The following FLOT2 variants were observed in gnomAD, a reference collection of about 807,000 sequenced individuals.
FLOT2 encodes the protein flotillin-2.
A neutral mutation model predicts 54.9 loss-of-function variants in FLOT2; 35 were observed. The observed-to-expected ratio is 0.64, with a 90% CI of 0.49 to 0.84. The LOEUF (loss-of-function observed/expected upper bound fraction) is 0.84, where lower values mean the gene tolerates loss of function less well. Ranked by LOEUF, FLOT2 falls within the 40% of genes least tolerant of loss-of-function variation. The pLI, the probability that FLOT2 is intolerant of heterozygous loss-of-function variation, is 0.00. For synonymous variants in FLOT2, 207 were observed against 228.9 expected (o/e 0.90, Z 0.86); for missense variants, 464 against 572.1 (o/e 0.81, Z 1.93).
chr17:28,887,424 C>T (rs980307658), intron 2 of FLOT2, among the ~76,000 whole-genome samples: 3 of 152,148 alleles, frequency 2.0e-5, no homozygotes, highest in Non-Finnish European at 1.5e-5. Flanking sequence ...GCTCAGACTA[C>T]CCAGCAAGTG....
At chr17:28,895,321 A>G (rs1378099710) in intron 1 of FLOT2, among the ~76,000 whole-genome samples, 2 of 152,262 alleles carry the variant, frequency 1.3e-5, no homozygotes, top group African/African-American at 2.4e-5. Flanking sequence ...TACATTAAAT[A>G]GTAAGATCTA....
intron 2 of FLOT2, among the ~76,000 whole-genome samples, chr17:28,887,552 G>GCT (rs1242802392): frequency 6.6e-6 from 1 of 152,224 alleles, no homozygotes; most frequent in African/African-American, 2.4e-5. Flanking sequence ...TTCTGTCCTG[G>GCT]CTCTGCTCCC....
chr17:28,893,865 G>A (rs879185650), intron 1 of FLOT2, among the ~76,000 whole-genome samples: 7 of 152,272 alleles, frequency 4.6e-5, no homozygotes, highest in Non-Finnish European at 7.3e-5. Flanking sequence ...CCCCTGTTAC[G>A]TATCCCCTAG....
chr17:28,885,167 A>ACCTCC (rs1426701251), intron 2 of FLOT2, among the ~76,000 whole-genome samples: 1 of 152,228 alleles, frequency 6.6e-6, no homozygotes, highest in African/African-American at 2.4e-5. Context: ...CCCCTTCCAC[A>ACCTCC]CAAGGTGCTC....
At chr17:28,886,100 A>C (rs2039541838) in intron 2 of FLOT2, 1 of 659,452 alleles carries the variant, frequency 1.5e-6, no homozygotes, top group African/African-American at 1.8e-5. Context: ...CCCAACTGCC[A>C]GCTCAGCCGA....
At chr17:28,892,356 CTT>C (rs1169732012) in intron 1 of FLOT2, 1,816 of 86,730 alleles carry the variant, frequency 0.021, 68 homozygotes, top group African/African-American at 0.1. Flanking sequence ...GATGGCCACT[CTT>C]TTTTTTTTTT....
At chr17:28,895,225 AAAAT>A (rs2039722679) in intron 1 of FLOT2, among the ~76,000 whole-genome samples, 1 of 152,180 alleles carries the variant, frequency 6.6e-6, no homozygotes, top group Non-Finnish European at 1.5e-5. Context: ...ATAAATTCAT[AAAAT>A]AAATACATAA....
Position 28,883,165 on chromosome 17 carries a change from G to C in FLOT2, c.289C>G (p.Gln97Glu). ...ACEQFLGKNVQDIKNVVLQTL... is the reference protein window; with the variant it reads ...ACEQFLGKNVEDIKNVVLQTL... ...TGCAGGACGACGTTTTTGATGTCCTGCACATTCTTACCCAGAAACTGCTCA... is the reference window on the plus strand; with the variant it reads ...TGCAGGACGACGTTTTTGATGTCCTCCACATTCTTACCCAGAAACTGCTCA... The change falls in exon 4 of 11, where the codon CAG becomes GAG. Residue 97 changes from glutamine (Q) to glutamate (E), a missense_variant. Transcript: ENST00000394908. This position sits in a 1 kb window ranked among gnomAD's most constrained non-coding sequence, Gnocchi z 5.0. 1 of 1,613,986 alleles carries C rather than the reference G, an allele frequency of 6.2e-7. No homozygotes were observed.
rs1011994523 is a variant in FLOT2 at position 28,897,447 on chromosome 17, C to T, written c.49+79G>A. ...CGCCGCGCGGTGGACTCAGGCCCAG[C>T]TCTTCCCCGTGCACTCCCCAGCCCT... is the stretch of plus-strand genomic sequence containing the variant. On this transcript the variant is annotated intron_variant, in intron 1 of 10. Coordinates refer to ENST00000394908, the MANE Select transcript of FLOT2 (RefSeq NM_004475.3). The surrounding 1 kb of genome is among the most constrained non-coding windows in gnomAD (Gnocchi z 4.4). 3.6e-6 allele frequency: 5 copies of T among 1,382,290 alleles called. No individual in the cohort carries two copies. In the Admixed American group the frequency reaches 8.9e-5, roughly 25 times the overall value. 85.6% of individuals were successfully genotyped at this position (1,382,290 alleles called of 1,614,324 possible).
At chr17:28,896,677 A>T (rs1447622351) in intron 1 of FLOT2, among the ~76,000 whole-genome samples, 1 of 152,140 alleles carries the variant, frequency 6.6e-6, no homozygotes, top group African/African-American at 2.4e-5. Context: ...CCAAATCTGC[A>T]CGCAGGCTGA....
rs776487788 is a variant in FLOT2 at position 28,880,873 on chromosome 17, A to G, written c.1099-11T>C. On this transcript the variant is annotated splice_polypyrimidine_tract_variant and intron_variant, in intron 9 of 10. Coordinates refer to ENST00000394908, the MANE Select transcript of FLOT2 (RefSeq NM_004475.3). ...GATTTTGGCAGCAATCTAGGAGGTA[A>G]GAGTGGGAGGACAGCCTGGTTGGCG... 2 of 1,613,780 alleles carry G rather than the reference A, an allele frequency of 1.2e-6. No homozygotes were observed.
intron 8 of FLOT2, 71 bp from the exon 9 acceptor site, chr17:28,881,446 G>T (rs2039446347): frequency 1.3e-6 from 2 of 1,489,266 alleles, no homozygotes; most frequent in East Asian, 4.5e-5. Context: ...CTGGGGGCCA[G>T]CAAACCTTCA....
In FLOT2 at chr17:28,880,351, C is replaced by T; in HGVS notation, c.*210G>A. 7.1e-7 allele frequency: 1 copy of T among 1,408,568 alleles called. No individual in the cohort carries two copies. The highest frequency in any genetic ancestry group is 9.2e-7 in the Non-Finnish European group (1 of 1,082,754). 87.3% of individuals were successfully genotyped at this position (1,408,568 alleles called of 1,614,324 possible). ...TGAGACACAAACCTGATGAAAGTGG[C>T]AGTGAAAGTGGGGTAAAGGAGAGGA... is the stretch of plus-strand genomic sequence containing the variant. On this transcript the variant is annotated 3_prime_UTR_variant, in exon 11 of 11. Coordinates refer to ENST00000394908, the MANE Select transcript of FLOT2 (RefSeq NM_004475.3).
rs2039425820 is a variant in FLOT2, at chr17:28,880,413, C to T, written c.*148G>A. Reference sequence around the variant, plus strand: ...TGGACAGACAGGAGAGACAGGAAGACAGCCAGAGATGGCCTGAACACGCAG... The same window carrying T: ...TGGACAGACAGGAGAGACAGGAAGATAGCCAGAGATGGCCTGAACACGCAG... On this transcript the variant is annotated 3_prime_UTR_variant, in exon 11 of 11. Transcript: ENST00000394908. The T allele has an allele frequency of 1.3e-6, 2 of 1,498,638 alleles. No homozygotes were observed. The highest frequency in any genetic ancestry group is 4.7e-5 in the Admixed American group (2 of 42,504). 92.8% of individuals were successfully genotyped at this position (1,498,638 alleles called of 1,614,324 possible).
chr17:28,879,378 C>T lies in FLOT2; in HGVS notation c.*1183G>A. On this transcript the variant is annotated 3_prime_UTR_variant, in exon 11 of 11. Coordinates refer to ENST00000394908, the MANE Select transcript of FLOT2 (RefSeq NM_004475.3). ...TCTTTATTTTACCAGAAGGGACAGG[C>T]AGTGGGGCAGTGCAACATCCAAGCC... is the stretch of plus-strand genomic sequence containing the variant. The T allele has an allele frequency of 1.0e-6, 1 of 988,168 alleles. No individual in the cohort carries two copies. Among genetic ancestry groups the T allele is most frequent in the African/African-American group, 1.7e-5 (1 of 57,404 alleles). The allele number at this position is 988,168 out of a possible 1,614,324, so 61.2% of individuals were successfully genotyped here. A position where few individuals can be genotyped will look rare whatever the true frequency, so the allele number is the denominator to read the frequency against.
Position 28,883,664 on chromosome 17 carries a change from G to A in FLOT2, c.223-433C>T, listed in dbSNP as rs753520839. ...CAGGAGAGGGTTGGGGGATGCAACCGAGGGTGCCTCTCCTTCTTGAGTTAC... is the reference window on the plus strand; with the variant it reads ...CAGGAGAGGGTTGGGGGATGCAACCAAGGGTGCCTCTCCTTCTTGAGTTAC... On this transcript the variant is annotated intron_variant, in intron 3 of 10. Coordinates refer to ENST00000394908, the MANE Select transcript of FLOT2 (RefSeq NM_004475.3). The surrounding 1 kb of genome is among the most constrained non-coding windows in gnomAD (Gnocchi z 5.0). Among the ~76,000 whole-genome samples the A allele has an allele frequency of 1.3e-5, 2 of 152,196 alleles. No individual in the cohort carries two copies. The highest frequency in any genetic ancestry group is 2.9e-5 in the Non-Finnish European group (2 of 68,028).
intron 8 of FLOT2, 103 bp downstream of exon 8, chr17:28,881,711 G>A: frequency 1.0e-6 from 1 of 999,920 alleles, no homozygotes; most frequent in Non-Finnish European, 1.5e-6. Flanking sequence ...CACAGTGGAG[G>A]GGGAGAAGTG....
chr17:28,883,235 T>C lies in FLOT2; in HGVS notation c.223-4A>G, dbSNP rs6505095. 0.35 allele frequency: 559,571 copies of C among 1,613,520 alleles called. 104,470 individuals carry two copies. Among genetic ancestry groups the C allele is most frequent in the African/African-American group, 0.75 (56,042 of 74,960 alleles). On this transcript the variant is annotated splice_region_variant and splice_polypyrimidine_tract_variant and intron_variant, in intron 3 of 10. Coordinates refer to ENST00000394908, the MANE Select transcript of FLOT2 (RefSeq NM_004475.3). The surrounding 1 kb of genome is among the most constrained non-coding windows in gnomAD (Gnocchi z 5.0). ...CCTTCTCCGTCATGATCTTCACCTG[T>C]CAGTGACGACAAAGGCGCTTCAGCT...
Position 28,880,578 on chromosome 17 carries a change from T to C in FLOT2, c.1270A>G (p.Thr424Ala), listed in dbSNP as rs906155366. 2.5e-6 allele frequency: 4 copies of C among 1,613,932 alleles called. No individual in the cohort carries two copies. The African/African-American group carries it at 4.0e-5, about 16-fold the overall frequency. The change falls in exon 11 of 11, where the codon ACT (threonine) becomes GCT (alanine). Residue 424 changes from threonine (T) to alanine (A), a missense_variant. Physicochemically the swap from Thr to Ala is moderately conservative, Grantham distance 58 (BLOSUM62 0). Transcript: ENST00000394908. ...LSKIPLIKKA[T>A]GVQV is the part of the protein sequence containing the mutation. ...CAGGAGCCTCACACCTGCACACCAG[T>C]GGCCTTCTTGATCAGGGGTATCTGC...
Sources: allele counts gnomAD v4.1 joint callset (sites outside exome capture counted in the v4.1 genomes callset), GRCh38; gene constraint gnomAD v4.1.1; non-coding constraint Gnocchi (gnomAD v3.1); transcripts MANE v1.5; gene names NCBI Gene and HGNC (gene_info 2026-07-23, HGNC 2026-07-21).